Variants in SLCO1A2 observed in about 807,000 individuals in gnomAD.
SLCO1A2 encodes OATP-1.
Under a neutral mutation model 69.0 loss-of-function variants are expected in SLCO1A2, and 67 were observed. The ratio of observed to expected loss-of-function variants is 0.97; its 90% CI spans 0.80 to 1.19. The LOEUF (loss-of-function observed/expected upper bound fraction) is 1.19, where lower values mean the gene tolerates loss of function less well. Ranked by LOEUF, SLCO1A2 falls within the 50% of genes most tolerant of loss-of-function variation. The pLI is 0.00. For synonymous variants in SLCO1A2, 260 were observed against 265.9 expected (o/e 0.98, Z 0.22); for missense variants, 787 against 793.7 (o/e 0.99, Z 0.10).
intron 1 of SLCO1A2, among the ~76,000 whole-genome samples, chr12:21,380,959 AAAT>A (rs1409224516): frequency 6.7e-6 from 1 of 150,344 alleles, no homozygotes; most frequent in Non-Finnish European, 1.5e-5. Flanking sequence ...TGTCTCTCTA[AAAT>A]AATAACTGGT....
chr12:21,404,088 G>A (rs538884305), intron 1 of SLCO1A2, among the ~76,000 whole-genome samples: 11 of 152,194 alleles, frequency 7.2e-5, no homozygotes, highest in South Asian at 2.1e-4. Context: ...ACTGAGATGC[G>A]AAAACCAGTG....
intron 2 of SLCO1A2, among the ~76,000 whole-genome samples, chr12:21,328,734 G>A (rs962356982): frequency 6.6e-6 from 1 of 150,598 alleles, no homozygotes; most frequent in Non-Finnish European, 1.5e-5. Flanking sequence ...TAGGGCAGGA[G>A]GGATTTCCCC....
chr12:21,360,935 C>T (rs1246440446), intron 2 of SLCO1A2, among the ~76,000 whole-genome samples: 1 of 152,132 alleles, frequency 6.6e-6, no homozygotes, highest in Non-Finnish European at 1.5e-5. Context: ...GGCCTGCCTG[C>T]CTCTGTAGAC....
intron 4 of SLCO1A2, among the ~76,000 whole-genome samples, chr12:21,313,763 G>T (rs11837359): frequency 6.6e-6 from 1 of 151,650 alleles, no homozygotes; most frequent in Non-Finnish European, 1.5e-5. Flanking sequence ...GAGGTTAGGA[G>T]ATCGAGACCA....
At chr12:21,417,389 A>AT (rs1565536289) in intron 1 of SLCO1A2, among the ~76,000 whole-genome samples, 3 of 150,150 alleles carry the variant, frequency 2.0e-5, no homozygotes, top group African/African-American at 4.9e-5. Context: ...TAAGAAAGCT[A>AT]TTTTTTTAAG....
rs548916289 is a variant in SLCO1A2, at chr12:21,400,948, A to G, written c.-312+16934T>C. ...TGCTAGATGACAAGTTAGTGGGTGC[A>G]GCTCACCAGCATGGCACATGTATAC... On this transcript the variant is annotated intron_variant, in intron 1 of 4. Transcript: ENST00000413682. Among the ~76,000 whole-genome samples the G allele has an allele frequency of 3.3e-5, 5 of 150,604 alleles. No homozygotes were observed. In the South Asian group the frequency reaches 1.1e-3, roughly 32 times the overall value.
chr12:21,299,384 A>G (rs1288924094), intron 8 of SLCO1A2, among the ~76,000 whole-genome samples: 2 of 152,098 alleles, frequency 1.3e-5, no homozygotes, highest in East Asian at 3.8e-4. Context: ...AAAAAATGTT[A>G]CATGCAATTT....
At chr12:21,307,031 T>C in intron 4 of SLCO1A2, 43 bp from the exon 5 acceptor site, 3 of 1,356,430 alleles carry the variant, frequency 2.2e-6, no homozygotes, top group Non-Finnish European at 3.2e-6. Flanking sequence ...AAGAAAGTAA[T>C]GAGGACAATG....
intron 1 of SLCO1A2, among the ~76,000 whole-genome samples, chr12:21,402,321 G>C (rs566730270): frequency 6.6e-6 from 1 of 152,044 alleles, no homozygotes; most frequent in East Asian, 1.9e-4. Context: ...TCTGCAAATT[G>C]AAAAGAAAAA....
At chr12:21,348,078 A>G (rs1937644986) in intron 2 of SLCO1A2, among the ~76,000 whole-genome samples, 1 of 152,172 alleles carries the variant, frequency 6.6e-6, no homozygotes, top group Admixed American at 6.5e-5. Flanking sequence ...TTTTAGCAAT[A>G]GTGGACAATA....
In SLCO1A2 at chr12:21,310,695, C is replaced by T. The variant is rs139890219; in HGVS notation, c.336-3707G>A. Among the ~76,000 whole-genome samples, 532 of 152,294 alleles carry T rather than the reference C, an allele frequency of 3.5e-3. 3 individuals are homozygous for T. Among genetic ancestry groups the T allele is most frequent in the African/African-American group, 9.1e-3 (379 of 41,556 alleles). ...TCGGCGCACTGCAAGCTCTGCCTCC[C>T]GGGTTCACGCCATTCTCCTGCCTCA... On this transcript the variant is annotated intron_variant, in intron 4 of 14. Transcript: ENST00000683939.
In SLCO1A2 at chr12:21,298,708, C is replaced by CTT. The variant is rs1948128703; in HGVS notation, c.911-1142_911-1141dup. Among the ~76,000 whole-genome samples the CTT allele has an allele frequency of 5.3e-5, 8 of 152,238 alleles. No homozygotes were observed. The South Asian group carries it at 1.7e-3, about 32-fold the overall frequency. ...AGATGAGTTTCAGTAGCACAAGTTT[C>CTT]TTTTCTATGTCTTGCAACAAGCTAA... On this transcript the variant is annotated intron_variant, in intron 8 of 14. Transcript: ENST00000683939.
chr12:21,315,194 G>T (rs1950719242), intron 3 of SLCO1A2, among the ~76,000 whole-genome samples: 2 of 152,126 alleles, frequency 1.3e-5, no homozygotes, highest in Admixed American at 6.5e-5. Flanking sequence ...ACATGACCAA[G>T]ACAGGGATCT....
intron 2 of SLCO1A2, among the ~76,000 whole-genome samples, chr12:21,347,447 A>T (rs1233495549): frequency 6.6e-6 from 1 of 152,128 alleles, no homozygotes; most frequent in Admixed American, 6.5e-5. Flanking sequence ...GGAGTTCAAG[A>T]CCAGCCTAGC....
chr12:21,328,479 G>A (rs34601649), intron 2 of SLCO1A2, among the ~76,000 whole-genome samples: 73 of 152,118 alleles, frequency 4.8e-4, no homozygotes, highest in Non-Finnish European at 8.8e-4. Context: ...TGCTAGGCTG[G>A]ATAGATGCCT....
intron 6 of SLCO1A2, among the ~76,000 whole-genome samples, chr12:21,304,016 A>T (rs1380674818): frequency 6.6e-6 from 1 of 152,216 alleles, no homozygotes; most frequent in Non-Finnish European, 1.5e-5. Flanking sequence ...TAAAATTCTG[A>T]AGAGAAAATA....
At chr12:21,343,288 T>C (rs1018061437) in intron 2 of SLCO1A2, among the ~76,000 whole-genome samples, 1 of 152,136 alleles carries the variant, frequency 6.6e-6, no homozygotes, top group South Asian at 2.1e-4. Flanking sequence ...CCTATGATCA[T>C]TTCTACTTGT....
At chr12:21,317,112 C>T (rs543527645) in intron 3 of SLCO1A2, among the ~76,000 whole-genome samples, 18 of 151,922 alleles carry the variant, frequency 1.2e-4, no homozygotes, top group East Asian at 3.9e-4. Flanking sequence ...ATTATTACTC[C>T]GGGATCATAT....
intron 2 of SLCO1A2, among the ~76,000 whole-genome samples, chr12:21,323,916 A>AT (rs1328113262): frequency 6.6e-6 from 1 of 152,134 alleles, no homozygotes; most frequent in Non-Finnish European, 1.5e-5. Flanking sequence ...TTAGGCCTAG[A>AT]GGGAGGGTGC....
Sources: allele counts gnomAD v4.1 joint callset (sites outside exome capture counted in the v4.1 genomes callset), GRCh38; gene constraint gnomAD v4.1.1; transcripts MANE v1.5; gene names NCBI Gene and HGNC (gene_info 2026-07-23, HGNC 2026-07-21).